Variants in BRD8 observed in about 807,000 individuals in gnomAD.
BRD8 encodes the protein bromodomain-containing protein 8.
Under a neutral mutation model 143.1 loss-of-function variants are expected in BRD8, and 67 were observed. That is an observed-to-expected ratio of 0.47 (90% CI 0.38 to 0.57). The LOEUF (loss-of-function observed/expected upper bound fraction) is 0.57. BRD8 is among the 20% of genes least tolerant of loss of function. BRD8 has a pLI of 0.00. For synonymous variants in BRD8, 505 were observed against 517.1 expected, an observed-to-expected ratio of 0.98 and a Z score of 0.32; for missense variants, 1,103 against 1,503.0, an observed-to-expected ratio of 0.73 and a Z score of 4.40.
chr5:138,172,182 G>A, intron 2 of BRD8, 48 bp from the exon 3 acceptor site: 2 of 1,464,602 alleles, frequency 1.4e-6, no homozygotes, highest in Admixed American at 1.7e-5. Context: ...AAAACAATAG[G>A]AGAGGTATGC....
intron 18 of BRD8, among the ~76,000 whole-genome samples, 167 bp from the exon 19 acceptor site, chr5:138,160,340 G>A (rs1242349749): frequency 1.3e-5 from 2 of 152,136 alleles, no homozygotes; most frequent in African/African-American, 4.8e-5. Flanking sequence ...AGTTGCAATA[G>A]GGATGCTAAA....
rs1253607109 is a variant in BRD8 at position 138,164,923 on chromosome 5, T to G, written c.1522A>C (p.Ile508Leu). Residue 508 changes from isoleucine to leucine, a missense_variant, in exon 12 of 27, where the codon ATC becomes CTC. By Grantham distance (5) the Ile-to-Leu change is conservative (BLOSUM62 2). Transcript: ENST00000254900. ...LVDIREPSAEIKVEPAEPEPV... is the reference protein window; with the variant it reads ...LVDIREPSAELKVEPAEPEPV... ...TCTGGTTCTGCAGGTTCCACCTTGA[T>G]CTCTGCACTGGGCTCCCTGATGTCC... 1 of 1,614,228 alleles carries G rather than the reference T, an allele frequency of 6.2e-7. No individual in the cohort carries two copies. The highest frequency in any genetic ancestry group is 8.5e-7 in the Non-Finnish European group (1 of 1,180,040).
At chr5:138,152,038 T>C (rs1418215980) in intron 21 of BRD8, among the ~76,000 whole-genome samples, 1 of 152,082 alleles carries the variant, frequency 6.6e-6, no homozygotes, top group African/African-American at 2.4e-5. Context: ...GTATTTTTAG[T>C]AGAGATGGGG....
At chr5:138,163,799 G>C (rs1373366129) in intron 14 of BRD8, among the ~76,000 whole-genome samples, 1 of 152,162 alleles carries the variant, frequency 6.6e-6, no homozygotes, top group Admixed American at 6.5e-5. Flanking sequence ...TAATAAACTT[G>C]ATTCCTGTAT....
chr5:138,172,296 G>A (rs545097040), intron 2 of BRD8, among the ~76,000 whole-genome samples, 162 bp from the exon 3 acceptor site: 84 of 151,738 alleles, frequency 5.5e-4, no homozygotes, highest in Non-Finnish European at 9.4e-4. Flanking sequence ...AGGCCAAGAC[G>A]GGTGGATCAC....
intron 20 of BRD8, among the ~76,000 whole-genome samples, chr5:138,156,232 C>T (rs572384705): frequency 2.6e-5 from 4 of 152,090 alleles, no homozygotes; most frequent in South Asian, 2.1e-4. Context: ...CTCCGCCTCC[C>T]GGGTTCAAGT....
intron 23 of BRD8, among the ~76,000 whole-genome samples, chr5:138,148,701 C>T (rs764723488): frequency 3.9e-5 from 6 of 151,960 alleles, no homozygotes; most frequent in Admixed American, 6.6e-5. Flanking sequence ...TTTTTTTATC[C>T]TCTTCCTTGT....
intron 15 of BRD8, among the ~76,000 whole-genome samples, chr5:138,162,776 C>T (rs1753091616): frequency 6.6e-6 from 1 of 151,930 alleles, no homozygotes; most frequent in South Asian, 2.1e-4. Flanking sequence ...GCAGGTGGAA[C>T]GCTTGAGCTC....
intron 20 of BRD8, among the ~76,000 whole-genome samples, chr5:138,155,674 G>C (rs1220534476): frequency 6.7e-6 from 1 of 150,202 alleles, no homozygotes; most frequent in Non-Finnish European, 1.5e-5. Flanking sequence ...GGGACCACAG[G>C]TGCGTGCCAC....
chr5:138,141,948 T>C (rs969509664), intron 25 of BRD8, among the ~76,000 whole-genome samples: 1 of 152,178 alleles, frequency 6.6e-6, no homozygotes, highest in African/African-American at 2.4e-5. Flanking sequence ...AAGAAGTTTG[T>C]CTCTGCTGTT....
In BRD8 at chr5:138,152,669, C is replaced by T; in HGVS notation, c.2669G>A (p.Trp890Ter). 1 of 1,614,210 alleles carries T rather than the reference C, an allele frequency of 6.2e-7. No homozygotes were observed. The highest frequency in any genetic ancestry group is 8.5e-7 in the Non-Finnish European group (1 of 1,180,040). ...SNDCRSLFSS[W>*]DSSLDLDVGN... is the part of the protein sequence containing the mutation. ...CACATCAAGATCCAGACTGGAGTCC[C>T]ATGAGCTGAAGAGGGACCTGCAGTC... The change falls in exon 21 of 27, where the codon TGG becomes TAG. Residue 890 changes from tryptophan to a stop codon, truncating the protein, a stop_gained. Coordinates refer to ENST00000254900, the MANE Select transcript of BRD8 (RefSeq NM_139199.2). LOFTEE classifies it high-confidence loss of function.
chr5:138,167,600 G>A (rs1753543282), intron 9 of BRD8: 1 of 232,466 alleles, frequency 4.3e-6, no homozygotes, highest in African/African-American at 2.3e-5. Context: ...GCAGGCCTGA[G>A]ATTCAAGCCC....
chr5:138,149,263 C>T (rs1752284964), intron 23 of BRD8, among the ~76,000 whole-genome samples: 1 of 151,810 alleles, frequency 6.6e-6, no homozygotes, highest in East Asian at 2.0e-4. Flanking sequence ...AGACAAGTGA[C>T]ACCATACCTG....
intron 7 of BRD8, among the ~76,000 whole-genome samples, chr5:138,169,596 T>A (rs1011209612): frequency 6.6e-6 from 1 of 152,220 alleles, no homozygotes; most frequent in African/African-American, 2.4e-5. Flanking sequence ...TACTTAATTA[T>A]CCCAAAGGTC....
chr5:138,147,497 A>G (rs2151182790), intron 23 of BRD8, among the ~76,000 whole-genome samples: 1 of 152,108 alleles, frequency 6.6e-6, no homozygotes, highest in African/African-American at 2.4e-5. Context: ...AAAAAGAACA[A>G]TTTATTTATT....
At chr5:138,162,227 T>C in intron 15 of BRD8, 81 bp from the exon 16 acceptor site, 1 of 1,108,292 alleles carries the variant, frequency 9.0e-7, no homozygotes, top group Middle Eastern at 2.3e-4. Flanking sequence ...TGAGACAGGG[T>C]CTCACTCTGT....
chr5:138,155,936 C>G (rs1752572512), intron 20 of BRD8, among the ~76,000 whole-genome samples: 1 of 152,002 alleles, frequency 6.6e-6, no homozygotes, highest in Non-Finnish European at 1.5e-5. Flanking sequence ...TGCAGTGATG[C>G]AATTATAGGT....
intron 23 of BRD8, 36 bp downstream of exon 23, chr5:138,149,604 G>A (rs763175654): frequency 6.5e-7 from 1 of 1,527,244 alleles, no homozygotes; most frequent in African/African-American, 1.4e-5. Flanking sequence ...ACAGAAGTAC[G>A]AATCTTAACA....
chr5:138,167,749 T>G (rs1753554950), intron 9 of BRD8, 185 bp downstream of exon 9: 3 of 583,328 alleles, frequency 5.1e-6, no homozygotes, highest in Non-Finnish European at 9.2e-6. Context: ...ATCACTATCT[T>G]GAAGATAGAT....
Sources: allele counts gnomAD v4.1 joint callset (sites outside exome capture counted in the v4.1 genomes callset), GRCh38; gene constraint gnomAD v4.1.1; transcripts MANE v1.5; gene names NCBI Gene and HGNC (gene_info 2026-07-23, HGNC 2026-07-21).